GRIP1: variants seen among roughly 807,000 people sequenced by gnomAD.
GRIP1 encodes the protein glutamate receptor interacting protein 1.
In GRIP1, 45 loss-of-function variants were observed where a neutral mutation model predicts 129.9. The observed-to-expected ratio is 0.35, with a 90% CI of 0.27 to 0.44. The LOEUF is 0.44. Ranked by LOEUF, GRIP1 falls within the 20% of genes least tolerant of loss-of-function variation. The pLI is 1.00. For synonymous variants in GRIP1, 530 were observed against 520.8 expected, an observed-to-expected ratio of 1.02 and a Z score of -0.24; for missense variants, 1,196 against 1,396.8, an observed-to-expected ratio of 0.86 and a Z score of 2.29.
chr12:66,703,585 C>T (rs1177828435), intron 1 of GRIP1, among the ~76,000 whole-genome samples: 2 of 152,008 alleles, frequency 1.3e-5, no homozygotes, highest in African/African-American at 4.8e-5. Context: ...AGAGGATCAA[C>T]AGGGCAACTG....
At chr12:66,608,281 A>G (rs953595444) in intron 1 of GRIP1, among the ~76,000 whole-genome samples, 3 of 152,144 alleles carry the variant, frequency 2.0e-5, no homozygotes, top group African/African-American at 7.2e-5. Context: ...TTACAGTGAG[A>G]TAGTGATTAT....
At chr12:66,708,469 G>A (rs1323019706) in intron 1 of GRIP1, among the ~76,000 whole-genome samples, 2 of 151,848 alleles carry the variant, frequency 1.3e-5, no homozygotes, top group African/African-American at 4.8e-5. Flanking sequence ...TTTAAGTTCT[G>A]TTAGGATATT....
At chr12:67,067,979 A>C (rs2043659516) in intron 1 of GRIP1, among the ~76,000 whole-genome samples, 1 of 152,168 alleles carries the variant, frequency 6.6e-6, no homozygotes, top group African/African-American at 2.4e-5. Flanking sequence ...ACCTTCCTCG[A>C]AGACAGGACA....
chr12:66,571,854 C>A lies in GRIP1; in HGVS notation c.136+24993G>T, dbSNP rs186840087. ...TTTCCATTTACTTTCCCCAGGACAA[C>A]AGGGCTCGGAGTTAGGTATGGGCAT... On this transcript the variant is annotated intron_variant, in intron 2 of 24. Transcript: ENST00000359742. Among the ~76,000 whole-genome samples, 4 of 152,276 alleles carry A rather than the reference C, an allele frequency of 2.6e-5. No individual in the cohort carries two copies. In the East Asian group the frequency reaches 7.7e-4, roughly 29 times the overall value.
At chr12:66,998,746 A>G (rs902562865) in intron 1 of GRIP1, among the ~76,000 whole-genome samples, 6 of 152,150 alleles carry the variant, frequency 3.9e-5, no homozygotes, top group African/African-American at 1.4e-4. Context: ...CTCAACTTCT[A>G]CAAACACCAA....
intron 1 of GRIP1, among the ~76,000 whole-genome samples, chr12:66,771,475 T>C (rs1270578144): frequency 2.0e-5 from 3 of 152,204 alleles, no homozygotes; most frequent in South Asian, 2.1e-4. Flanking sequence ...GAGTACATCA[T>C]AAAGTAATGC....
intron 1 of GRIP1, among the ~76,000 whole-genome samples, chr12:66,762,320 CA>C (rs940173677): frequency 9.9e-5 from 15 of 152,202 alleles, no homozygotes; most frequent in African/African-American, 3.6e-4. Flanking sequence ...TCCACAACTG[CA>C]TCAACAGTTT....
chr12:66,444,593 C>A lies in GRIP1; in HGVS notation c.1678G>T (p.Asp560Tyr), dbSNP rs1196177211. Reference protein sequence around the residue: ...TSKVTLEIEFDVAESVIPSSG... With the variant: ...TSKVTLEIEFYVAESVIPSSG... The stretch of plus-strand genomic sequence containing the variant: ...GATGATATGATTATACCTGCAACAT[C>A]AAACTCGATTTCCAGTGTGACCTTG... Residue 560 changes from aspartate to tyrosine, a missense_variant, in exon 13 of 25, where the codon GAT becomes TAT. Transcript: ENST00000359742. 1.9e-6 allele frequency: 3 copies of A among 1,609,716 alleles called. No individual in the cohort carries two copies. Among genetic ancestry groups the A allele is most frequent in the Non-Finnish European group, 2.5e-6 (3 of 1,178,504 alleles).
chr12:66,992,758 A>G (rs1214175752), intron 1 of GRIP1, among the ~76,000 whole-genome samples: 1 of 152,222 alleles, frequency 6.6e-6, no homozygotes, highest in Admixed American at 6.5e-5. Context: ...AACAACAGAA[A>G]GAAATTTGGG....
intron 1 of GRIP1, among the ~76,000 whole-genome samples, chr12:66,711,939 T>C (rs1164006436): frequency 6.6e-6 from 1 of 151,968 alleles, no homozygotes; most frequent in East Asian, 1.9e-4. Context: ...TTTAGGACTT[T>C]CATCATTAAA....
chr12:66,583,113 A>G (rs937010175), intron 2 of GRIP1, among the ~76,000 whole-genome samples: 2 of 151,800 alleles, frequency 1.3e-5, no homozygotes, highest in African/African-American at 4.8e-5. Context: ...CATATCTACA[A>G]CCATCTGATC....
chr12:66,392,299 A>C lies in GRIP1; in HGVS notation c.2464+9T>G. On this transcript the variant is annotated intron_variant, in intron 19 of 24. Transcript: ENST00000359742. ...GACAAGTCCTCTGGGGGACAAAGTAAAGACATACCTTGAGTTCCATAGCTG... is the reference window on the plus strand; with the variant it reads ...GACAAGTCCTCTGGGGGACAAAGTACAGACATACCTTGAGTTCCATAGCTG... The C allele has an allele frequency of 6.5e-7, 1 of 1,542,482 alleles. No individual in the cohort carries two copies. The highest frequency in any genetic ancestry group is 9.0e-7 in the Non-Finnish European group (1 of 1,114,106).
At chr12:66,997,662 T>A (rs74903297) in intron 1 of GRIP1, among the ~76,000 whole-genome samples, 1 of 152,108 alleles carries the variant, frequency 6.6e-6, no homozygotes, top group Non-Finnish European at 1.5e-5. Context: ...GAATAATGGA[T>A]ATTGTTGACG....
chr12:66,554,203 C>A (rs1337227882), intron 2 of GRIP1, among the ~76,000 whole-genome samples: 2 of 152,186 alleles, frequency 1.3e-5, no homozygotes, highest in African/African-American at 2.4e-5. Flanking sequence ...CTTTGTCTTG[C>A]AACTTGGATA....
chr12:66,802,732 C>T (rs2038894285), intron 1 of GRIP1, among the ~76,000 whole-genome samples: 1 of 152,098 alleles, frequency 6.6e-6, no homozygotes, highest in Admixed American at 6.5e-5. Context: ...TCATAAGCTC[C>T]TTTTATTCAG....
chr12:66,588,559 C>G lies in GRIP1; in HGVS notation c.136+8288G>C, dbSNP rs928352692. Among the ~76,000 whole-genome samples the G allele has an allele frequency of 1.9e-4, 29 of 152,174 alleles. 1 individual carries two copies. The highest frequency in any genetic ancestry group is 2.4e-5 in the African/African-American group (1 of 41,440). Reference sequence around the variant, plus strand: ...TCTAAGTAAGGATTCTCTTCACCACCTTTTCCCTTCCCTCACTACTCAGGA... The same window carrying G: ...TCTAAGTAAGGATTCTCTTCACCACGTTTTCCCTTCCCTCACTACTCAGGA... On this transcript the variant is annotated intron_variant, in intron 2 of 24. Coordinates refer to ENST00000359742, the MANE Select transcript of GRIP1 (RefSeq NM_001366722.1).
chr12:66,367,918 T>C (rs1312270780), intron 23 of GRIP1, among the ~76,000 whole-genome samples: 4 of 152,184 alleles, frequency 2.6e-5, no homozygotes, highest in African/African-American at 9.7e-5. Flanking sequence ...TATAAGACTG[T>C]GTTTCTTTGT....
intron 1 of GRIP1, among the ~76,000 whole-genome samples, chr12:66,707,145 A>G (rs899597112): frequency 6.6e-6 from 1 of 151,772 alleles, no homozygotes; most frequent in Non-Finnish European, 1.5e-5. Flanking sequence ...CCCATGCATA[A>G]AGCTGTCCAT....
chr12:66,394,059 G>C lies in GRIP1; in HGVS notation c.2129+149C>G, dbSNP rs530197250. 1.3e-5 allele frequency: 11 copies of C among 825,456 alleles called. No homozygotes were observed. In the South Asian group the frequency reaches 1.6e-4, roughly 12 times the overall value. The allele number at this position is 825,456 out of a possible 1,614,324, so 51.1% of individuals were successfully genotyped here. On this transcript the variant is annotated intron_variant, in intron 17 of 24. Coordinates refer to ENST00000359742, the MANE Select transcript of GRIP1 (RefSeq NM_001366722.1). ...TCAGAGTCAAGTCGGAACTCTGCCT[G>C]AGAGTTCTCAGGCTCTAAGATCAAT...
Sources: gnomAD v4.1 joint callset for allele counts (sites outside exome capture counted in the v4.1 genomes callset) on GRCh38, gnomAD v4.1.1 for gene constraint, MANE v1.5 for transcripts, NCBI Gene and HGNC (gene_info 2026-07-23, HGNC 2026-07-21) for gene names.